Variants in SYNPO2 observed in about 807,000 individuals in gnomAD.
SYNPO2 encodes the protein synaptopodin-2.
Under a neutral mutation model 85.0 loss-of-function variants are expected in SYNPO2, and 56 were observed. That is an observed-to-expected ratio of 0.66 (90% CI 0.53 to 0.82). The LOEUF (loss-of-function observed/expected upper bound fraction) is 0.82. Among genes scored for constraint, SYNPO2 ranks in the 40% least tolerant of loss-of-function variants. SYNPO2 has a pLI of 0.00. For missense variants in SYNPO2, 1,575 were observed against 1,534.2 expected, an observed-to-expected ratio of 1.03 and a Z score of -0.44; for synonymous variants, 602 against 591.1, an observed-to-expected ratio of 1.02 and a Z score of -0.27.
intron 1 of SYNPO2, among the ~76,000 whole-genome samples, chr4:118,924,572 C>T (rs1334734095): frequency 2.0e-5 from 3 of 152,176 alleles, no homozygotes; most frequent in Non-Finnish European, 4.4e-5. Context: ...CCTCTCCTAC[C>T]TCTGCCCACA....
At chr4:118,899,927 A>C (rs1396800737) in intron 1 of SYNPO2, among the ~76,000 whole-genome samples, 1 of 152,000 alleles carries the variant, frequency 6.6e-6, no homozygotes, top group Non-Finnish European at 1.5e-5. Flanking sequence ...ATCCCCAGCT[A>C]ATTTTTGTAG....
intron 1 of SYNPO2, among the ~76,000 whole-genome samples, chr4:118,924,405 G>A (rs770641463): frequency 5.9e-5 from 9 of 152,278 alleles, no homozygotes; most frequent in Non-Finnish European, 1.0e-4. Flanking sequence ...ACAGAATTAT[G>A]AGCATTCTGA....
intron 1 of SYNPO2, among the ~76,000 whole-genome samples, chr4:118,927,738 A>AGGT (rs1733770793): frequency 7.5e-6 from 1 of 134,220 alleles, no homozygotes; most frequent in African/African-American, 3.0e-5. Flanking sequence ...ATAGATAGAT[A>AGGT]GATAGATAGA....
At chr4:118,966,062 A>C (rs970064712) in intron 1 of SYNPO2, among the ~76,000 whole-genome samples, 6 of 152,148 alleles carry the variant, frequency 3.9e-5, no homozygotes, top group Non-Finnish European at 8.8e-5. Flanking sequence ...CTAAATAAAT[A>C]AATAAGCCCA....
chr4:118,930,515 A>G (rs996595766), intron 1 of SYNPO2, among the ~76,000 whole-genome samples: 21 of 152,028 alleles, frequency 1.4e-4, no homozygotes, highest in Admixed American at 8.5e-4. Flanking sequence ...GGTTTTTCCT[A>G]TTTGCAGCAA....
chr4:118,889,787 T>C (rs149976368), intron 1 of SYNPO2, among the ~76,000 whole-genome samples: 2,994 of 152,332 alleles, frequency 0.02, 41 homozygotes, highest in Middle Eastern at 0.12. Context: ...TCTAAATATA[T>C]TATGAGTAAC....
chr4:118,912,778 A>G (rs1733185060), intron 1 of SYNPO2, among the ~76,000 whole-genome samples: 1 of 152,192 alleles, frequency 6.6e-6, no homozygotes, highest in Admixed American at 6.5e-5. Context: ...ATAGGACTTT[A>G]GGGTTTTAGT....
rs112874640 is a variant in SYNPO2 at position 118,999,554 on chromosome 4, G to A, written c.106-23876G>A. On this transcript the variant is annotated intron_variant, in intron 1 of 4. Coordinates refer to ENST00000307142, the MANE Select transcript of SYNPO2 (RefSeq NM_133477.3). ...AAAGTACCAGAAGAGAGATACAGGTGCATACCACCGCACCCAGCTAGCTTG... is the reference window on the plus strand; with the variant it reads ...AAAGTACCAGAAGAGAGATACAGGTACATACCACCGCACCCAGCTAGCTTG... Among the ~76,000 whole-genome samples, 598 of 152,250 alleles carry A rather than the reference G, an allele frequency of 3.9e-3. 4 individuals are homozygous for A. The highest frequency in any genetic ancestry group is 0.013 in the African/African-American group (560 of 41,530).
At chr4:118,970,703 T>G (rs1008074523) in intron 1 of SYNPO2, among the ~76,000 whole-genome samples, 2 of 152,204 alleles carry the variant, frequency 1.3e-5, no homozygotes, top group African/African-American at 2.4e-5. Context: ...TAGAGAAAGC[T>G]ACAAACACTC....
chr4:118,854,687 A>G (rs1218972863), intron 1 of SYNPO2, among the ~76,000 whole-genome samples: 1 of 152,150 alleles, frequency 6.6e-6, no homozygotes, highest in Non-Finnish European at 1.5e-5. Context: ...ACAAACATAT[A>G]AAGGAGGAAT....
chr4:118,980,229 T>C (rs1226303093), intron 1 of SYNPO2, among the ~76,000 whole-genome samples: 1 of 152,226 alleles, frequency 6.6e-6, no homozygotes, highest in Non-Finnish European at 1.5e-5. Context: ...CTCTTTCTAA[T>C]GTATTTTTCT....
intron 4 of SYNPO2, chr4:119,038,521 G>A: frequency 3.0e-6 from 3 of 985,374 alleles, no homozygotes; most frequent in Non-Finnish European, 3.6e-6. Context: ...TGCATAAAAG[G>A]AAGTGCTCCC....
chr4:118,922,110 G>C, intron 1 of SYNPO2, among the ~76,000 whole-genome samples: 1 of 152,136 alleles, frequency 6.6e-6, no homozygotes, highest in South Asian at 2.1e-4. Flanking sequence ...AAATAAATGA[G>C]GAGGGAGTGA....
intron 4 of SYNPO2, among the ~76,000 whole-genome samples, chr4:119,054,669 C>T (rs537235711): frequency 2.8e-4 from 42 of 152,206 alleles, no homozygotes; most frequent in African/African-American, 5.3e-4. Context: ...AATAGGCACA[C>T]GGTGTGGGTG....
intron 1 of SYNPO2, among the ~76,000 whole-genome samples, chr4:118,976,103 C>G (rs1256132240): frequency 2.6e-5 from 4 of 152,202 alleles, no homozygotes; most frequent in Admixed American, 6.5e-5. Context: ...TTCTTGGTCT[C>G]ACTGACTTCA....
intron 1 of SYNPO2, among the ~76,000 whole-genome samples, chr4:118,869,797 G>A (rs1319403254): frequency 6.6e-6 from 1 of 152,114 alleles, no homozygotes; most frequent in East Asian, 1.9e-4. Context: ...TAAATGCTGG[G>A]GATTAAGAGA....
rs1198564325 is a variant in SYNPO2, at chr4:119,014,002, T to A, written c.106-9428T>A. Among the ~76,000 whole-genome samples, 4 of 152,224 alleles carry A rather than the reference T, an allele frequency of 2.6e-5. No individual in the cohort carries two copies. In the South Asian group the frequency reaches 8.3e-4, roughly 32 times the overall value. On this transcript the variant is annotated intron_variant, in intron 1 of 4. Coordinates refer to ENST00000307142, the MANE Select transcript of SYNPO2 (RefSeq NM_133477.3). ...CCCTATAAGACTATCAATGTACTCC[T>A]CCTTTTCCAACTATATAACTGTGTG...
rs1739340003 is a variant in SYNPO2 at position 119,059,548 on chromosome 4, A to G, written c.*1614A>G. 1 of 152,220 alleles carries G rather than the reference A, an allele frequency of 6.6e-6. No individual in the cohort carries two copies. The highest frequency in any genetic ancestry group is 1.5e-5 in the Non-Finnish European group (1 of 68,028). The allele number at this position is 152,220 out of a possible 1,614,324, so 9.4% of individuals were successfully genotyped here. ...TATTTGACATCTTAAGCAAATATCC[A>G]GAATATTTTTAAGTAAAAAACCATC... On this transcript the variant is annotated 3_prime_UTR_variant, in exon 5 of 5. Coordinates refer to ENST00000307142, the MANE Select transcript of SYNPO2 (RefSeq NM_133477.3).
intron 1 of SYNPO2, among the ~76,000 whole-genome samples, chr4:118,986,212 T>G (rs10005608): frequency 1.8e-4 from 28 of 152,326 alleles, no homozygotes; most frequent in African/African-American, 6.7e-4. Flanking sequence ...CTAAAAGTAA[T>G]CAGCCCATAG....
Sources: gnomAD v4.1 joint callset for allele counts (sites outside exome capture counted in the v4.1 genomes callset) on GRCh38, gnomAD v4.1.1 for gene constraint, MANE v1.5 for transcripts, NCBI Gene and HGNC (gene_info 2026-07-23, HGNC 2026-07-21) for gene names.